Variants in ST6GALNAC3 observed in about 807,000 individuals in gnomAD.
ST6GALNAC3 encodes the protein ST6 N-acetylgalactosaminide alpha-2,6-sialyltransferase 3, also known as alpha-N-acetylgalactosaminide alpha-2,6-sialyltransferase 3.
A neutral mutation model predicts 32.7 loss-of-function variants in ST6GALNAC3; 25 were observed. The observed-to-expected ratio is 0.76, with a 90% CI of 0.56 to 1.07. ST6GALNAC3 has a LOEUF of 1.07. ST6GALNAC3 is among the 50% of genes least tolerant of loss of function. The probability of loss-of-function intolerance (pLI) is 0.00; values close to 1 mark genes in which losing one functional copy is unlikely to be tolerated. For missense variants in ST6GALNAC3, 355 were observed against 382.4 expected (o/e 0.93, Z 0.60); for synonymous variants, 129 against 133.1 (o/e 0.97, Z 0.21).
intron 2 of ST6GALNAC3, among the ~76,000 whole-genome samples, chr1:76,347,231 A>G (rs1463397548): frequency 1.3e-5 from 2 of 152,190 alleles, no homozygotes; most frequent in Non-Finnish European, 2.9e-5. Flanking sequence ...ATTTCTAACA[A>G]TAGAGAATAA....
chr1:76,134,652 C>T (rs1326665082), intron 1 of ST6GALNAC3, among the ~76,000 whole-genome samples: 1 of 152,172 alleles, frequency 6.6e-6, no homozygotes, highest in African/African-American at 2.4e-5. Flanking sequence ...CTGCTTGTTT[C>T]CTGTTTGTGC....
chr1:76,320,898 A>G (rs575476145), intron 2 of ST6GALNAC3, among the ~76,000 whole-genome samples: 3 of 152,152 alleles, frequency 2.0e-5, no homozygotes, highest in Non-Finnish European at 2.9e-5. Flanking sequence ...TATATACAAC[A>G]TACTATGTTA....
intron 1 of ST6GALNAC3, among the ~76,000 whole-genome samples, chr1:76,100,000 A>G (rs974903555): frequency 6.6e-6 from 1 of 152,198 alleles, no homozygotes; most frequent in East Asian, 1.9e-4. Context: ...ATTTTGAGGT[A>G]TTGTTAAGTA....
chr1:76,433,985 A>G (rs976223556), intron 3 of ST6GALNAC3, among the ~76,000 whole-genome samples: 4 of 152,106 alleles, frequency 2.6e-5, no homozygotes, highest in Non-Finnish European at 5.9e-5. Context: ...TAGCATTCTT[A>G]TTGATTGCTC....
At chr1:76,481,825 A>C (rs866203047) in intron 3 of ST6GALNAC3, among the ~76,000 whole-genome samples, 4 of 152,272 alleles carry the variant, frequency 2.6e-5, no homozygotes, top group Middle Eastern at 6.8e-3. Context: ...AGTTCTAGAA[A>C]TATTTTACAT....
chr1:76,620,037 T>C (rs1201412515), intron 3 of ST6GALNAC3, among the ~76,000 whole-genome samples: 1 of 152,092 alleles, frequency 6.6e-6, no homozygotes, highest in Admixed American at 6.6e-5. Context: ...GTTTTGAAAA[T>C]AGTCACTGAG....
chr1:76,085,497 G>C (rs1646952776), intron 1 of ST6GALNAC3, among the ~76,000 whole-genome samples: 1 of 152,174 alleles, frequency 6.6e-6, no homozygotes, highest in Admixed American at 6.5e-5. Flanking sequence ...AGCTTAGAGA[G>C]GCCAAGTGAC....
chr1:76,155,170 G>A (rs973767633), intron 1 of ST6GALNAC3, among the ~76,000 whole-genome samples: 1 of 152,144 alleles, frequency 6.6e-6, no homozygotes, highest in Non-Finnish European at 1.5e-5. Context: ...AGAAGTGGTT[G>A]TTGGGTGGTG....
At chr1:76,304,516 C>G (rs1660923618) in intron 1 of ST6GALNAC3, among the ~76,000 whole-genome samples, 1 of 151,904 alleles carries the variant, frequency 6.6e-6, no homozygotes, top group Non-Finnish European at 1.5e-5. Flanking sequence ...GCAAGGGGGC[C>G]AGGAGGAGCA....
intron 3 of ST6GALNAC3, among the ~76,000 whole-genome samples, chr1:76,442,937 C>G (rs894489253): frequency 6.6e-6 from 1 of 152,200 alleles, no homozygotes; most frequent in African/African-American, 2.4e-5. Flanking sequence ...AAAATGGTCT[C>G]CTACTGTGTT....
chr1:76,109,865 G>C (rs1245906193), intron 1 of ST6GALNAC3, among the ~76,000 whole-genome samples: 2 of 152,182 alleles, frequency 1.3e-5, no homozygotes, highest in East Asian at 3.9e-4. Flanking sequence ...TCAAGCACAG[G>C]TTTAGGTTTG....
intron 1 of ST6GALNAC3, among the ~76,000 whole-genome samples, chr1:76,105,040 G>A (rs1416064187): frequency 1.3e-5 from 2 of 152,140 alleles, no homozygotes; most frequent in South Asian, 4.1e-4. Context: ...CATATCAAAA[G>A]TTTTATCTGG....
At chr1:76,086,578 C>A (rs1311007326) in intron 1 of ST6GALNAC3, among the ~76,000 whole-genome samples, 2 of 152,130 alleles carry the variant, frequency 1.3e-5, no homozygotes, top group Non-Finnish European at 2.9e-5. Context: ...TCATCTCCAG[C>A]CTTCATGCCC....
chr1:76,626,847 T>C (rs1000004627), intron 3 of ST6GALNAC3, among the ~76,000 whole-genome samples: 7 of 151,922 alleles, frequency 4.6e-5, no homozygotes, highest in African/African-American at 1.7e-4. Context: ...ACCATGTAGC[T>C]TGTTCAATGG....
At chr1:76,282,349 A>C (rs1659545678) in intron 1 of ST6GALNAC3, among the ~76,000 whole-genome samples, 1 of 152,184 alleles carries the variant, frequency 6.6e-6, no homozygotes, top group African/African-American at 2.4e-5. Context: ...ATAAATACAT[A>C]CACATTACAA....
chr1:76,407,959 G>T (rs1022750236), intron 2 of ST6GALNAC3, among the ~76,000 whole-genome samples: 1 of 152,040 alleles, frequency 6.6e-6, no homozygotes, highest in Non-Finnish European at 1.5e-5. Context: ...ATCAAAAGAC[G>T]TAGTAATAAA....
At chr1:76,595,112 G>A (rs1253258513) in intron 3 of ST6GALNAC3, among the ~76,000 whole-genome samples, 1 of 152,158 alleles carries the variant, frequency 6.6e-6, no homozygotes, top group African/African-American at 2.4e-5. Context: ...GGTATACAGT[G>A]TAAGAGCAGC....
chr1:76,427,483 T>C (rs1391704216), intron 3 of ST6GALNAC3, among the ~76,000 whole-genome samples: 1 of 152,044 alleles, frequency 6.6e-6, no homozygotes, highest in Non-Finnish European at 1.5e-5. Flanking sequence ...AGTGACCCAA[T>C]ATGTGCAAGG....
intron 2 of ST6GALNAC3, among the ~76,000 whole-genome samples, chr1:76,381,114 G>T (rs1012564672): frequency 6.8e-6 from 1 of 148,066 alleles, no homozygotes; most frequent in African/African-American, 2.5e-5. Context: ...GGCAGCTTGG[G>T]ATTCATTTGT....
Sources: gnomAD v4.1 joint callset for allele counts (sites outside exome capture counted in the v4.1 genomes callset) on GRCh38, gnomAD v4.1.1 for gene constraint, MANE v1.5 for transcripts, NCBI Gene and HGNC (gene_info 2026-07-23, HGNC 2026-07-21) for gene names.